Variants in KCNG2 observed in about 807,000 individuals in gnomAD.
KCNG2 encodes the protein potassium voltage-gated channel modifier subfamily G member 2.
KCNG2 carries 7 observed loss-of-function variants against 12.3 expected under a neutral mutation model. The observed-to-expected ratio is 0.57, with a 90% CI of 0.32 to 1.07. The LOEUF (loss-of-function observed/expected upper bound fraction) is 1.07, where lower values mean the gene tolerates loss of function less well. KCNG2 is among the 50% of genes least tolerant of loss of function. The probability of loss-of-function intolerance (pLI) is 0.04; values close to 1 mark genes in which losing one functional copy is unlikely to be tolerated. For missense variants in KCNG2, 703 were observed against 726.0 expected, an observed-to-expected ratio of 0.97 and a Z score of 0.36; for synonymous variants, 414 against 351.4, an observed-to-expected ratio of 1.18 and a Z score of -1.99.
chr18:79,891,812 C>T (rs902000856), intron 3 of KCNG2, among the ~76,000 whole-genome samples: 17 of 152,006 alleles, frequency 1.1e-4, no homozygotes, highest in Admixed American at 3.3e-4. Context: ...GAGTCTGTTC[C>T]GTGTGCACAT....
At chr18:79,805,812 T>C (rs2087444906) in intron 1 of KCNG2, among the ~76,000 whole-genome samples, 1 of 152,134 alleles carries the variant, frequency 6.6e-6, no homozygotes, top group African/African-American at 2.4e-5. Flanking sequence ...TGCTAAAATC[T>C]AGAGTCTAGT....
Position 79,899,518 on chromosome 18 carries a change from C to T in KCNG2, c.1103C>T (p.Thr368Ile), listed in dbSNP as rs1981123490. The T allele has an allele frequency of 2.5e-6, 4 of 1,606,994 alleles. No homozygotes were observed. The highest frequency in any genetic ancestry group is 3.4e-6 in the Non-Finnish European group (4 of 1,177,586). Residue 368 changes from threonine to isoleucine, a missense_variant, in exon 4 of 4, where the codon ACC (threonine) becomes ATC (isoleucine). Transcript: ENST00000316249. ...ASYWWAVISM[T>I]TVGYGDMVPR... The stretch of plus-strand genomic sequence containing the variant: ...TATTGGTGGGCCGTCATCTCCATGA[C>T]CACCGTGGGCTACGGCGACATGGTC...
In KCNG2 at chr18:79,830,047, T is replaced by C. The variant is rs1000595185; in HGVS notation, c.-114-26332T>C. Reference sequence around the variant, plus strand: ...CATCACGCTATGATTAAATTGGTCATGGGAATAAATAGAAAGTGTTCCCCC... The same window carrying C: ...CATCACGCTATGATTAAATTGGTCACGGGAATAAATAGAAAGTGTTCCCCC... On this transcript the variant is annotated intron_variant, in intron 1 of 3. Coordinates refer to ENST00000316249, the MANE Select transcript of KCNG2 (RefSeq NM_012283.2). 3.0e-4 allele frequency among the ~76,000 whole-genome samples: 45 copies of C among 152,208 alleles called. 1 individual carries two copies.
intron 3 of KCNG2, among the ~76,000 whole-genome samples, chr18:79,894,963 G>A (rs1201272395): frequency 6.7e-6 from 1 of 149,734 alleles, no homozygotes; most frequent in East Asian, 2.0e-4. Context: ...GATATAGTGG[G>A]GTCTCTGTCT....
chr18:79,825,576 G>A (rs2087607452), intron 1 of KCNG2, among the ~76,000 whole-genome samples: 1 of 152,218 alleles, frequency 6.6e-6, no homozygotes, highest in Admixed American at 6.5e-5. Flanking sequence ...AAACCACGGA[G>A]GTTTTACCAA....
intron 1 of KCNG2, among the ~76,000 whole-genome samples, chr18:79,831,890 C>G (rs1978298322): frequency 6.6e-6 from 1 of 152,240 alleles, no homozygotes; most frequent in East Asian, 1.9e-4. Context: ...TTGTAGAACC[C>G]TGATTTGGAG....
At chr18:79,857,063 C>CCCCCCCACA (rs1979036692) in intron 2 of KCNG2, among the ~76,000 whole-genome samples, 1 of 33,434 alleles carries the variant, frequency 3.0e-5, no homozygotes, top group Non-Finnish European at 5.5e-5. Flanking sequence ...CCCCCACAGC[C>CCCCCCCACA]GCCCCCACAG....
rs374486768 is a variant in KCNG2, at chr18:79,882,884, G to A, written c.625-16156G>A. On this transcript the variant is annotated intron_variant, in intron 3 of 3. Coordinates refer to ENST00000316249, the MANE Select transcript of KCNG2 (RefSeq NM_012283.2). Reference sequence around the variant, plus strand: ...CCGGGTACACCTGCGCGTGGAGCGCGGAGGCCGGGTACATCTGCGCGTGGC... The same window carrying A: ...CCGGGTACACCTGCGCGTGGAGCGCAGAGGCCGGGTACATCTGCGCGTGGC... Among the ~76,000 whole-genome samples, 8 of 146,954 alleles carry A rather than the reference G, an allele frequency of 5.4e-5. No individual in the cohort carries two copies. The South Asian group carries it at 1.5e-3, about 27-fold the overall frequency.
intron 3 of KCNG2, among the ~76,000 whole-genome samples, chr18:79,872,280 G>GTTTTTTTGTTTTTT (rs1979867758): frequency 1.4e-5 from 1 of 73,410 alleles, no homozygotes; most frequent in Admixed American, 2.4e-4. Context: ...CAAAGCTTCA[G>GTTTTTTTGTTTTTT]TTTTTTTTTT....
Position 79,859,248 on chromosome 18 carries a change from G to A in KCNG2, c.-41+2796G>A, listed in dbSNP as rs192632508. Among the ~76,000 whole-genome samples the A allele has an allele frequency of 2.6e-5, 4 of 152,262 alleles. No individual in the cohort carries two copies. The East Asian group carries it at 7.7e-4, about 29-fold the overall frequency. The stretch of plus-strand genomic sequence containing the variant: ...TAGTTTGAATTAGTTTTTATATATA[G>A]TGTGATGTAGGCATCTTGGTCCATT... On this transcript the variant is annotated intron_variant, in intron 2 of 3. Coordinates refer to ENST00000316249, the MANE Select transcript of KCNG2 (RefSeq NM_012283.2).
chr18:79,851,777 G>A (rs1283159079), intron 1 of KCNG2, among the ~76,000 whole-genome samples: 3 of 151,898 alleles, frequency 2.0e-5, no homozygotes, highest in South Asian at 2.1e-4. Flanking sequence ...CTGTGAATGC[G>A]TGTGTGAATG....
At chr18:79,849,970 TG>T (rs1159114064) in intron 1 of KCNG2, among the ~76,000 whole-genome samples, 1 of 152,114 alleles carries the variant, frequency 6.6e-6, no homozygotes, top group Admixed American at 6.5e-5. Context: ...AGACCCCACC[TG>T]GCCGTAGGAG....
chr18:79,842,270 A>T (rs913724566), intron 1 of KCNG2, among the ~76,000 whole-genome samples: 7 of 152,212 alleles, frequency 4.6e-5, no homozygotes, highest in Admixed American at 1.3e-4. Flanking sequence ...AAACCCAGGC[A>T]GCAAGCTAAC....
At chr18:79,809,592 C>G (rs1234614041) in intron 1 of KCNG2, among the ~76,000 whole-genome samples, 1 of 148,732 alleles carries the variant, frequency 6.7e-6, no homozygotes, top group East Asian at 2.0e-4. Context: ...GCCTCACTGA[C>G]CACACTCCAC....
intron 1 of KCNG2, among the ~76,000 whole-genome samples, chr18:79,812,155 T>C (rs1213470427): frequency 6.6e-6 from 1 of 152,112 alleles, no homozygotes; most frequent in African/African-American, 2.4e-5. Context: ...ACTTGGAAAT[T>C]AAATAACATG....
At chr18:79,814,571 C>T (rs962498747) in intron 1 of KCNG2, among the ~76,000 whole-genome samples, 1 of 152,140 alleles carries the variant, frequency 6.6e-6, no homozygotes, top group Admixed American at 6.6e-5. Flanking sequence ...TAGGGGCTGC[C>T]AGGGTTTTAC....
intron 3 of KCNG2, among the ~76,000 whole-genome samples, chr18:79,891,431 A>G (rs776884398): frequency 6.6e-6 from 1 of 151,994 alleles, no homozygotes; most frequent in Non-Finnish European, 1.5e-5. Flanking sequence ...GGGTTTCACC[A>G]TGTTGCCCAG....
intron 1 of KCNG2, among the ~76,000 whole-genome samples, chr18:79,811,996 C>T (rs770847499): frequency 2.0e-5 from 3 of 152,070 alleles, no homozygotes; most frequent in Non-Finnish European, 2.9e-5. Flanking sequence ...AGTATTAATA[C>T]TTGTATCATC....
chr18:79,865,458 G>A (rs111958434), intron 3 of KCNG2, among the ~76,000 whole-genome samples: 1 of 136,042 alleles, frequency 7.4e-6, no homozygotes, highest in Non-Finnish European at 1.6e-5. Flanking sequence ...AGGTCTGGGT[G>A]CTGAGAGGTC....
Sources: gnomAD v4.1 joint callset for allele counts (sites outside exome capture counted in the v4.1 genomes callset) on GRCh38, gnomAD v4.1.1 for gene constraint, MANE v1.5 for transcripts, NCBI Gene and HGNC (gene_info 2026-07-23, HGNC 2026-07-21) for gene names.